WNT7B: variants seen among roughly 807,000 people sequenced by gnomAD.
The protein encoded by WNT7B is protein Wnt-7b.
WNT7B carries 19 observed loss-of-function variants against 38.2 expected under a neutral mutation model. The observed-to-expected ratio is 0.50, with a 90% CI of 0.35 to 0.73. WNT7B has a LOEUF of 0.73. Among genes scored for constraint, WNT7B ranks in the 30% least tolerant of loss-of-function variants. WNT7B has a pLI of 0.01. For missense variants in WNT7B, 423 were observed against 507.9 expected (o/e 0.83, Z 1.61); for synonymous variants, 243 against 209.3 (o/e 1.16, Z -1.39).
rs75456201 is a variant in WNT7B, at chr22:45,951,400, A to C, written c.72-1254T>G. ...CCTTGTGTGTTTTTTTAATGAGGTG[A>C]AATTCCCATAACATAAAATGAACCA... On this transcript the variant is annotated intron_variant, in intron 1 of 3. Transcript: ENST00000339464. This position sits in a 1 kb window ranked among gnomAD's most constrained non-coding sequence, Gnocchi z 4.8. Among the ~76,000 whole-genome samples, 1,976 of 150,164 alleles carry C rather than the reference A, an allele frequency of 0.013. 42 individuals carry two copies. Among genetic ancestry groups the C allele is most frequent in the African/African-American group, 0.045 (1,859 of 41,282 alleles).
chr22:45,927,729 C>T (rs900304482), intron 3 of WNT7B, among the ~76,000 whole-genome samples: 2 of 148,244 alleles, frequency 1.3e-5, no homozygotes, highest in African/African-American at 5.3e-5. Flanking sequence ...AGCCCCATCT[C>T]TACTAACAAT....
intron 1 of WNT7B, chr22:45,972,631 G>A (rs1752288483): frequency 6.6e-6 from 1 of 152,532 alleles, no homozygotes; most frequent in South Asian, 2.1e-4. Context: ...CTCCCCCGGC[G>A]GGTTTTTTTA....
chr22:45,973,208 G>A (rs1339503231), intron 1 of WNT7B, among the ~76,000 whole-genome samples: 1 of 152,252 alleles, frequency 6.6e-6, no homozygotes, highest in Non-Finnish European at 1.5e-5. Context: ...TTGTGGAGAA[G>A]TAGACCTACA....
At chr22:45,950,251 T>A in intron 1 of WNT7B, 105 bp from the exon 2 acceptor site, 1 of 954,332 alleles carries the variant, frequency 1.0e-6, no homozygotes, top group Non-Finnish European at 1.6e-6. Flanking sequence ...GGCCCTGCAC[T>A]AGCTCCGCCC....
intron 2 of WNT7B, chr22:45,935,774 G>GA: frequency 1.0e-6 from 1 of 978,224 alleles, no homozygotes. Flanking sequence ...TCACAGATGG[G>GA]AAAACCGAGC....
chr22:45,975,178 C>T lies in WNT7B; in HGVS notation c.71+1506G>A, dbSNP rs1015969189. Reference sequence around the variant, plus strand: ...GGGAGAGTAAAAGCACCTAACTACTCTAGGGGTGCCAGGAGGGGGAAGGCC... The same window carrying T: ...GGGAGAGTAAAAGCACCTAACTACTTTAGGGGTGCCAGGAGGGGGAAGGCC... On this transcript the variant is annotated intron_variant, in intron 1 of 3. Transcript: ENST00000339464. This position sits in a 1 kb window ranked among gnomAD's most constrained non-coding sequence, Gnocchi z 6.6. Among the ~76,000 whole-genome samples the T allele has an allele frequency of 2.6e-5, 4 of 152,140 alleles. No homozygotes were observed. The highest frequency in any genetic ancestry group is 9.7e-5 in the African/African-American group (4 of 41,428).
At chr22:45,933,019 G>A (rs1931415935) in intron 2 of WNT7B, among the ~76,000 whole-genome samples, 1 of 152,230 alleles carries the variant, frequency 6.6e-6, no homozygotes, top group South Asian at 2.1e-4. Flanking sequence ...GGGGCTGTGT[G>A]CATGCTCTGG....
intron 1 of WNT7B, among the ~76,000 whole-genome samples, chr22:45,971,994 G>A (rs1206886013): frequency 6.6e-6 from 1 of 152,204 alleles, no homozygotes; most frequent in African/African-American, 2.4e-5. Flanking sequence ...CGGCAGCTTA[G>A]GCTGGCGAGG....
Position 45,931,310 on chromosome 22 carries a change from T to C in WNT7B, c.358A>G (p.Thr120Ala). The C allele has an allele frequency of 1.3e-6, 2 of 1,597,442 alleles. No homozygotes were observed. The highest frequency in any genetic ancestry group is 1.7e-6 in the Non-Finnish European group (2 of 1,179,138). The change falls in exon 3 of 4, where the codon ACC (threonine) becomes GCC (alanine). Residue 120 changes from threonine (T) to alanine (A), a missense_variant. Transcript: ENST00000339464. ...ITAAGVAHAV[T>A]AACSQGNLSN... ...AGGTTCCCTTGGCTGCAGGCAGCGGTGACGGCGTGCGCCACGCCAGCCGCG... is the reference window on the plus strand; with the variant it reads ...AGGTTCCCTTGGCTGCAGGCAGCGGCGACGGCGTGCGCCACGCCAGCCGCG...
chr22:45,929,801 C>T (rs114625419), intron 3 of WNT7B, among the ~76,000 whole-genome samples: 21 of 143,414 alleles, frequency 1.5e-4, no homozygotes, highest in African/African-American at 4.3e-4. Context: ...TCCACTCAAC[C>T]ATCTACCCAT....
chr22:45,938,403 G>A (rs1199899378), intron 2 of WNT7B, among the ~76,000 whole-genome samples: 4 of 152,100 alleles, frequency 2.6e-5, no homozygotes, highest in East Asian at 3.9e-4. Context: ...TCGGGAGGTC[G>A]AGGCGGGTGG....
At chr22:45,959,974 C>A (rs560220421) in intron 1 of WNT7B, among the ~76,000 whole-genome samples, 2 of 152,188 alleles carry the variant, frequency 1.3e-5, no homozygotes. Flanking sequence ...TGCCCTCCCC[C>A]GCAGATAACA....
intron 3 of WNT7B, among the ~76,000 whole-genome samples, chr22:45,923,915 G>T (rs1931002367): frequency 6.6e-6 from 1 of 152,182 alleles, no homozygotes; most frequent in South Asian, 2.1e-4. Flanking sequence ...GATCAGCGAG[G>T]CCCGGGCATG....
chr22:45,967,716 G>C (rs1015335271), intron 1 of WNT7B, among the ~76,000 whole-genome samples: 20 of 152,288 alleles, frequency 1.3e-4, no homozygotes, highest in Middle Eastern at 6.8e-3. Flanking sequence ...GTGGGTGGGA[G>C]GGGAAGGGGC....
At position 45,965,222 on chromosome 22, in the gene WNT7B, C is replaced by T. The variant is rs1932285880; in HGVS notation, c.71+11462G>A. ...CCTTCCTTCCCTCCAGCAGGTCCTT[C>T]AGGGCCGAGGTCAGAGGCTGCCTTA... is the stretch of plus-strand genomic sequence containing the variant. On this transcript the variant is annotated intron_variant, in intron 1 of 3. Transcript: ENST00000339464. The surrounding 1 kb of genome is among the most constrained non-coding windows in gnomAD (Gnocchi z 6.5). Among the ~76,000 whole-genome samples the T allele has an allele frequency of 1.3e-5, 2 of 152,222 alleles. No homozygotes were observed.
At chr22:45,939,767 A>T (rs1037986698) in intron 2 of WNT7B, among the ~76,000 whole-genome samples, 6 of 152,146 alleles carry the variant, frequency 3.9e-5, no homozygotes. Context: ...TCAAGGTTGC[A>T]GTGAGCCATG....
intron 2 of WNT7B, among the ~76,000 whole-genome samples, chr22:45,936,400 G>C (rs529486909): frequency 3.9e-4 from 60 of 152,346 alleles, no homozygotes; most frequent in African/African-American, 1.4e-3. Flanking sequence ...CGAGGTGTCT[G>C]TCTGTGCTCC....
At chr22:45,959,248 G>A (rs577320559) in intron 1 of WNT7B, among the ~76,000 whole-genome samples, 1 of 152,316 alleles carries the variant, frequency 6.6e-6, no homozygotes, top group Admixed American at 6.5e-5. Context: ...GACAGGGGGT[G>A]GGCAGCAGCG....
chr22:45,928,495 C>T lies in WNT7B; in HGVS notation c.570+2603G>A, dbSNP rs186721698. Among the ~76,000 whole-genome samples the T allele has an allele frequency of 3.2e-3, 489 of 152,268 alleles. 3 individuals carry two copies. The highest frequency in any genetic ancestry group is 0.011 in the African/African-American group (466 of 41,540). ...AGCAGCAGCGTGGGTCAGCCAGGGC[C>T]CCACCGGCCATCCGAGACAAGGCTG... On this transcript the variant is annotated intron_variant, in intron 3 of 3. Coordinates refer to ENST00000339464, the MANE Select transcript of WNT7B (RefSeq NM_058238.3).
Sources: allele counts gnomAD v4.1 joint callset (sites outside exome capture counted in the v4.1 genomes callset), GRCh38; gene constraint gnomAD v4.1.1; non-coding constraint Gnocchi (gnomAD v3.1); transcripts MANE v1.5; gene names NCBI Gene and HGNC (gene_info 2026-07-23, HGNC 2026-07-21).